CNTNAP2: variants seen among roughly 807,000 people sequenced by gnomAD.
CNTNAP2 encodes contactin associated protein 2, also known as contactin-associated protein-like 2.
A neutral mutation model predicts 155.2 loss-of-function variants in CNTNAP2; 98 were observed. The ratio of observed to expected loss-of-function variants is 0.63; its 90% CI spans 0.54 to 0.75. CNTNAP2 has a LOEUF of 0.75. Ranked by LOEUF, CNTNAP2 falls within the 30% of genes least tolerant of loss-of-function variation. The pLI, the probability that CNTNAP2 is intolerant of heterozygous loss-of-function variation, is 0.00. For missense variants in CNTNAP2, 1,727 were observed against 1,688.1 expected, an observed-to-expected ratio of 1.02 and a Z score of -0.40; for synonymous variants, 651 against 631.2, an observed-to-expected ratio of 1.03 and a Z score of -0.47.
intron 3 of CNTNAP2, among the ~76,000 whole-genome samples, chr7:146,929,304 C>G (rs968572091): frequency 6.6e-6 from 1 of 152,166 alleles, no homozygotes; most frequent in African/African-American, 2.4e-5. Context: ...TCTGCAGCCA[C>G]CACTACTGAT....
chr7:148,038,865 T>C (rs1563177045), intron 15 of CNTNAP2, among the ~76,000 whole-genome samples: 1 of 151,850 alleles, frequency 6.6e-6, no homozygotes, highest in East Asian at 1.9e-4. Flanking sequence ...GATGGATGGA[T>C]GGATGGATAG....
chr7:146,644,366 G>C (rs555887686), intron 1 of CNTNAP2, among the ~76,000 whole-genome samples: 7 of 152,038 alleles, frequency 4.6e-5, no homozygotes, highest in African/African-American at 7.2e-5. Flanking sequence ...TAGCATGAAG[G>C]GTTGTTGAAT....
intron 8 of CNTNAP2, among the ~76,000 whole-genome samples, chr7:147,179,179 A>G (rs900544912): frequency 2.6e-5 from 4 of 152,218 alleles, no homozygotes; most frequent in South Asian, 2.1e-4. Context: ...TCTTTCAACA[A>G]TTATATAGTG....
chr7:146,233,242 C>T (rs73739588), intron 1 of CNTNAP2, among the ~76,000 whole-genome samples: 1 of 152,136 alleles, frequency 6.6e-6, no homozygotes, highest in South Asian at 2.1e-4. Flanking sequence ...AGATTTGACT[C>T]TTCCATAAAG....
intron 10 of CNTNAP2, among the ~76,000 whole-genome samples, chr7:147,456,169 A>G (rs558917517): frequency 3.3e-5 from 5 of 152,238 alleles, no homozygotes; most frequent in Non-Finnish European, 7.4e-5. Flanking sequence ...TAAAGGACAA[A>G]CACTAGAGAC....
chr7:147,467,184 G>T (rs544844517), intron 10 of CNTNAP2, among the ~76,000 whole-genome samples: 2 of 152,166 alleles, frequency 1.3e-5, no homozygotes, highest in Non-Finnish European at 2.9e-5. Flanking sequence ...TGATTTCAGG[G>T]CTGTAAAAAA....
At chr7:146,392,923 CA>C (rs1455189272) in intron 1 of CNTNAP2, among the ~76,000 whole-genome samples, 1 of 151,974 alleles carries the variant, frequency 6.6e-6, no homozygotes, top group Non-Finnish European at 1.5e-5. Context: ...CAGAGTTTTG[CA>C]AAATATTTGA....
chr7:146,662,023 T>C (rs192108384), intron 1 of CNTNAP2, among the ~76,000 whole-genome samples: 49 of 152,304 alleles, frequency 3.2e-4, no homozygotes, highest in Admixed American at 7.8e-4. Context: ...TTAATGTAGT[T>C]TTAAACTGTA....
At chr7:147,739,664 A>G (rs1287615752) in intron 13 of CNTNAP2, among the ~76,000 whole-genome samples, 5 of 152,074 alleles carry the variant, frequency 3.3e-5, no homozygotes, top group African/African-American at 1.2e-4. Context: ...GAGAAGCTGA[A>G]AATTGGAAGG....
chr7:146,559,600 G>T (rs538081621), intron 1 of CNTNAP2, among the ~76,000 whole-genome samples: 7 of 151,974 alleles, frequency 4.6e-5, no homozygotes, highest in South Asian at 2.1e-4. Context: ...AAAATAAAAA[G>T]AAACAGAAAA....
chr7:146,605,158 T>C (rs1484272976), intron 1 of CNTNAP2, among the ~76,000 whole-genome samples: 2 of 151,260 alleles, frequency 1.3e-5, no homozygotes, highest in African/African-American at 4.8e-5. Context: ...AATTATTTTA[T>C]ATCCTTTCTA....
intron 20 of CNTNAP2, among the ~76,000 whole-genome samples, chr7:148,266,558 G>A (rs150034710): frequency 3.9e-5 from 6 of 152,254 alleles, no homozygotes; most frequent in Non-Finnish European, 8.8e-5. Context: ...TGGGATAACC[G>A]AGAAAACTAC....
At chr7:147,705,716 T>A (rs1037155861) in intron 13 of CNTNAP2, among the ~76,000 whole-genome samples, 2 of 152,224 alleles carry the variant, frequency 1.3e-5, no homozygotes, top group Admixed American at 6.5e-5. Context: ...ATATTTACTT[T>A]CTATATCCAG....
chr7:146,254,484 A>G (rs1185026854), intron 1 of CNTNAP2, among the ~76,000 whole-genome samples: 1 of 152,250 alleles, frequency 6.6e-6, no homozygotes, highest in East Asian at 1.9e-4. Flanking sequence ...AGGAAGTAAG[A>G]CAGTAAATGG....
chr7:146,509,183 G>A (rs932533978), intron 1 of CNTNAP2, among the ~76,000 whole-genome samples: 20 of 152,184 alleles, frequency 1.3e-4, no homozygotes, highest in African/African-American at 4.8e-4. Flanking sequence ...CACCACATCT[G>A]TTTATGACTG....
At chr7:147,271,924 C>T (rs993032652) in intron 8 of CNTNAP2, among the ~76,000 whole-genome samples, 6 of 152,158 alleles carry the variant, frequency 3.9e-5, no homozygotes, top group African/African-American at 1.4e-4. Context: ...TGGAGTTTCA[C>T]TCTTGTTGCC....
intron 10 of CNTNAP2, among the ~76,000 whole-genome samples, chr7:147,396,459 A>G (rs1008912698): frequency 6.6e-6 from 1 of 152,010 alleles, no homozygotes; most frequent in African/African-American, 2.4e-5. Context: ...ATGAAGCAGA[A>G]TATTTAGAGT....
At chr7:146,916,180 G>A (rs1026407186) in intron 3 of CNTNAP2, among the ~76,000 whole-genome samples, 3 of 152,110 alleles carry the variant, frequency 2.0e-5, no homozygotes, top group Non-Finnish European at 4.4e-5. Context: ...ACTTGATCAT[G>A]ATGGATTATC....
chr7:146,889,692 C>A (rs370506864), intron 3 of CNTNAP2, among the ~76,000 whole-genome samples: 6 of 152,014 alleles, frequency 3.9e-5, no homozygotes, highest in African/African-American at 1.4e-4. Context: ...AATTACAATA[C>A]CTTGTTCTTC....
Sources: allele counts gnomAD v4.1 joint callset (sites outside exome capture counted in the v4.1 genomes callset), GRCh38; gene constraint gnomAD v4.1.1; transcripts MANE v1.5; gene names NCBI Gene and HGNC (gene_info 2026-07-23, HGNC 2026-07-21).